IPO5: variants seen among roughly 807,000 people sequenced by gnomAD.
The protein encoded by IPO5 is importin 5.
IPO5 carries 18 observed loss-of-function variants against 143.3 expected under a neutral mutation model. That is an observed-to-expected ratio of 0.13 (90% CI 0.09 to 0.19). The LOEUF is 0.19. Among genes scored for constraint, IPO5 ranks in the 10% least tolerant of loss-of-function variants. The pLI, the probability that IPO5 is intolerant of heterozygous loss-of-function variation, is 1.00. For synonymous variants in IPO5, 477 were observed against 465.7 expected, an observed-to-expected ratio of 1.02 and a Z score of -0.31; for missense variants, 1,013 against 1,336.9, an observed-to-expected ratio of 0.76 and a Z score of 3.78.
intron 11 of IPO5, among the ~76,000 whole-genome samples, chr13:97,994,374 G>T (rs1888060858): frequency 6.6e-6 from 1 of 152,168 alleles, no homozygotes; most frequent in Non-Finnish European, 1.5e-5. Flanking sequence ...TCTACAAAAA[G>T]TTTTAAAGAC....
intron 3 of IPO5, among the ~76,000 whole-genome samples, chr13:97,971,715 G>A (rs1009565511): frequency 7.9e-5 from 12 of 152,130 alleles, no homozygotes; most frequent in Admixed American, 2.6e-4. Flanking sequence ...TTGGGAGGCC[G>A]AGGTAGGAGG....
At chr13:97,997,424 C>T (rs1206608804) in intron 11 of IPO5, 107 bp from the exon 12 acceptor site, 1 of 525,964 alleles carries the variant, frequency 1.9e-6, no homozygotes, top group Non-Finnish European at 3.3e-6. Context: ...ATTGTTTTGT[C>T]TTGTTCTCTT....
chr13:97,978,412 G>T (rs1459795487), intron 4 of IPO5, among the ~76,000 whole-genome samples: 9 of 152,076 alleles, frequency 5.9e-5, no homozygotes, highest in African/African-American at 1.9e-4. Flanking sequence ...GGTTTCCAGT[G>T]ACCTGCTCTT....
At chr13:98,021,370 T>A in intron 28 of IPO5, 1 of 387,642 alleles carries the variant, frequency 2.6e-6, no homozygotes, top group Non-Finnish European at 4.5e-6. Flanking sequence ...AGTTGGTGCT[T>A]AACACAAGCT....
chr13:97,997,485 A>G (rs1171070631), intron 11 of IPO5, 46 bp from the exon 12 acceptor site: 1 of 1,043,232 alleles, frequency 9.6e-7, no homozygotes, highest in South Asian at 1.5e-5. Context: ...TGATATGGAT[A>G]AGATAAAGTC....
chr13:97,979,193 C>T (rs1886637839), intron 4 of IPO5, among the ~76,000 whole-genome samples: 1 of 152,146 alleles, frequency 6.6e-6, no homozygotes, highest in African/African-American at 2.4e-5. Context: ...TTTCTATGAA[C>T]TGAAAAATTG....
Position 97,953,712 on chromosome 13 carries a change from C to A in IPO5, c.-197C>A. ...CTGGAGCAGCCGGGAACAGCTCTGACCACAGTAAGTCATCCCAAAACCTCA... is the reference window on the plus strand; with the variant it reads ...CTGGAGCAGCCGGGAACAGCTCTGAACACAGTAAGTCATCCCAAAACCTCA... On this transcript the variant is annotated 5_prime_UTR_variant, in exon 1 of 29. Transcript: ENST00000651721. 1 of 295,958 alleles carries A rather than the reference C, an allele frequency of 3.4e-6. No individual in the cohort carries two copies. Among genetic ancestry groups the A allele is most frequent in the Non-Finnish European group, 6.7e-6 (1 of 148,736 alleles). 18.3% of individuals were successfully genotyped at this position (295,958 alleles called of 1,614,324 possible).
chr13:97,995,861 T>C (rs1339958313), intron 11 of IPO5, among the ~76,000 whole-genome samples: 2 of 152,212 alleles, frequency 1.3e-5, no homozygotes, highest in Non-Finnish European at 1.5e-5. Context: ...ATTACAGATA[T>C]ATTTTACAAG....
intron 5 of IPO5, among the ~76,000 whole-genome samples, chr13:97,983,163 G>T (rs560957251): frequency 1.3e-5 from 2 of 152,156 alleles, no homozygotes; most frequent in East Asian, 1.9e-4. Flanking sequence ...GAGCCGCCAC[G>T]CCCAGCCTAA....
At chr13:97,973,865 T>C (rs1177934469) in intron 3 of IPO5, among the ~76,000 whole-genome samples, 1 of 148,980 alleles carries the variant, frequency 6.7e-6, no homozygotes, top group African/African-American at 2.5e-5. Context: ...AACTCAGGAG[T>C]TTGAGACCAG....
intron 21 of IPO5, among the ~76,000 whole-genome samples, chr13:98,013,586 G>T (rs1207320313): frequency 6.6e-6 from 1 of 152,080 alleles, no homozygotes; most frequent in African/African-American, 2.4e-5. Flanking sequence ...AAGTTATCAA[G>T]ACCTTATTTT....
intron 17 of IPO5, among the ~76,000 whole-genome samples, chr13:98,007,019 C>G (rs1889321576): frequency 6.6e-6 from 1 of 151,494 alleles, no homozygotes; most frequent in Non-Finnish European, 1.5e-5. Flanking sequence ...GCACCTGCCA[C>G]CACTCCCAGC....
chr13:97,998,815 TC>T (rs1461967305), intron 12 of IPO5, among the ~76,000 whole-genome samples: 3 of 152,174 alleles, frequency 2.0e-5, no homozygotes, highest in Admixed American at 1.3e-4. Flanking sequence ...TTTTCATTCT[TC>T]CCAGTGCATT....
intron 5 of IPO5, among the ~76,000 whole-genome samples, chr13:97,982,806 T>TC (rs1886966113): frequency 6.6e-6 from 1 of 152,262 alleles, no homozygotes; most frequent in South Asian, 2.1e-4. Flanking sequence ...AGATAATGTG[T>TC]CCAGGGTAGA....
chr13:98,018,154 A>G (rs1226721874), intron 25 of IPO5, among the ~76,000 whole-genome samples: 1 of 152,094 alleles, frequency 6.6e-6, no homozygotes. Flanking sequence ...TGCAGCTTTT[A>G]TTATTATTGT....
chr13:98,002,821 G>C (rs751803315), intron 15 of IPO5, 43 bp from the exon 16 acceptor site: 8 of 1,599,282 alleles, frequency 5.0e-6, no homozygotes, highest in Non-Finnish European at 6.0e-6. Flanking sequence ...AGGAAGAAGG[G>C]TGGACATTTC....
rs558207688 is a variant in IPO5, at chr13:97,991,397, T to C, written c.669+860T>C. ...TAAAACTGGACTAATAGCAAAGATA[T>C]TGGCAAGTCAAACACCACAGTTCCC... On this transcript the variant is annotated intron_variant, in intron 9 of 28. Coordinates refer to ENST00000651721, the MANE Select transcript of IPO5 (RefSeq NM_002271.6). 2.0e-4 allele frequency among the ~76,000 whole-genome samples: 30 copies of C among 152,294 alleles called. No homozygotes were observed. In the South Asian group the frequency reaches 3.7e-3, roughly 19 times the overall value.
chr13:98,015,229 C>G (rs1890038842), intron 22 of IPO5, among the ~76,000 whole-genome samples: 2 of 126,138 alleles, frequency 1.6e-5, no homozygotes, highest in Non-Finnish European at 1.7e-5. Flanking sequence ...CAATTGTGTT[C>G]CTTAGGAGCT....
At chr13:97,977,171 G>T (rs1886441653) in intron 4 of IPO5, 1 of 154,794 alleles carries the variant, frequency 6.5e-6, no homozygotes, top group Non-Finnish European at 1.4e-5. Flanking sequence ...TGCCCTTCCA[G>T]CCGCTGTCTC....
Sources: allele counts gnomAD v4.1 joint callset (sites outside exome capture counted in the v4.1 genomes callset), GRCh38; gene constraint gnomAD v4.1.1; transcripts MANE v1.5; gene names NCBI Gene and HGNC (gene_info 2026-07-23, HGNC 2026-07-21).